The following FGF13 variants were observed in gnomAD, a reference collection of about 807,000 sequenced individuals.
FGF13 encodes fibroblast growth factor 13.
In FGF13, 2 loss-of-function variants were observed where a neutral mutation model predicts 19.5. The observed-to-expected ratio is 0.10, with a 90% CI of 0.04 to 0.32. The LOEUF is 0.32. FGF13 is among the 10% of genes least tolerant of loss of function. The pLI is 1.00. For synonymous variants in FGF13, 72 were observed against 76.9 expected (o/e 0.94, Z 0.33); for missense variants, 113 against 192.7 (o/e 0.59, Z 2.45).
At chrX:139,000,071 C>A (rs774350681) in intron 1 of FGF13, among the ~76,000 whole-genome samples, 2 of 111,818 alleles carry the variant, frequency 1.8e-5, no homozygotes, top group African/African-American at 3.3e-5. Flanking sequence ...ATAAACAGAA[C>A]CAACAACAAA....
At chrX:139,160,644 T>TA (rs1452827960) in intron 1 of FGF13, among the ~76,000 whole-genome samples, 1 of 111,205 alleles carries the variant, frequency 9.0e-6, no homozygotes, top group Admixed American at 9.5e-5. Flanking sequence ...ATAGACACAA[T>TA]AAAAAATGAT....
intron 1 of FGF13, among the ~76,000 whole-genome samples, chrX:138,936,837 G>T (rs141633417): frequency 8.9e-6 from 1 of 111,972 alleles, no homozygotes; most frequent in Non-Finnish European, 1.9e-5. Flanking sequence ...ACTGGGGACC[G>T]CAAGGCCACA....
At chrX:138,864,738 A>G (rs1195066701) in intron 1 of FGF13, 1 of 112,615 alleles carries the variant, frequency 8.9e-6, no homozygotes, top group South Asian at 3.6e-4. Flanking sequence ...CTGCCCCTGC[A>G]TGAATGACAT....
chrX:138,775,730 C>T (rs190707894), intron 3 of FGF13, among the ~76,000 whole-genome samples: 9 of 112,495 alleles, frequency 8.0e-5, no homozygotes, highest in Admixed American at 6.6e-4. Flanking sequence ...CCTTTCCCAT[C>T]GTGATAGAAG....
chrX:138,747,630 G>A (rs148090717), intron 3 of FGF13, among the ~76,000 whole-genome samples: 14 of 111,795 alleles, frequency 1.3e-4, no homozygotes, highest in African/African-American at 4.5e-4. Context: ...TCAAGGGCAC[G>A]CCAGGCTGAT....
At position 138,624,019 on chromosome X, in the gene FGF13, G is replaced by T. The variant is rs1313034134; in HGVS notation, c.*8831C>A. On this transcript the variant is annotated 3_prime_UTR_variant, in exon 5 of 5. Transcript: ENST00000315930. Reference sequence around the variant, plus strand: ...CAAAAATGTTGATACTAACCAAAGTGATCTACAGAGTCAATGCAAGCACTA... The same window carrying T: ...CAAAAATGTTGATACTAACCAAAGTTATCTACAGAGTCAATGCAAGCACTA... 9.0e-6 allele frequency: 1 copy of T among 111,574 alleles called. No homozygotes were observed. The highest frequency in any genetic ancestry group is 3.3e-5 in the African/African-American group (1 of 30,701). The allele number at this position is 111,574 out of a possible 1,213,427, so 9.2% of individuals were successfully genotyped here.
intron 1 of FGF13, among the ~76,000 whole-genome samples, chrX:139,092,723 A>C (rs974024746): frequency 8.9e-6 from 1 of 111,991 alleles, no homozygotes; most frequent in African/African-American, 3.2e-5. Context: ...ATTCTCCACC[A>C]TGTTCTTAGA....
chrX:138,885,318 G>A (rs2091446311), intron 1 of FGF13, among the ~76,000 whole-genome samples: 1 of 111,565 alleles, frequency 9.0e-6, no homozygotes, highest in African/African-American at 3.3e-5. Context: ...AAGGGGTTGA[G>A]CCAGTCATTG....
At chrX:139,103,511 G>A (rs1443544164) in intron 1 of FGF13, among the ~76,000 whole-genome samples, 1 of 111,741 alleles carries the variant, frequency 8.9e-6, no homozygotes, top group Non-Finnish European at 1.9e-5. Flanking sequence ...GTTGCTTAGG[G>A]CTGGTGGGGA....
At chrX:139,057,289 T>A (rs1462004850) in intron 1 of FGF13, among the ~76,000 whole-genome samples, 1 of 109,478 alleles carries the variant, frequency 9.1e-6, no homozygotes, top group Non-Finnish European at 1.9e-5. Context: ...TTTCTGAGTA[T>A]CACAACATTA....
At chrX:138,953,242 G>A (rs2091823280) in intron 1 of FGF13, among the ~76,000 whole-genome samples, 1 of 111,087 alleles carries the variant, frequency 9.0e-6, no homozygotes, top group South Asian at 3.8e-4. Flanking sequence ...GGAATACTAT[G>A]CAGCCATAAA....
At chrX:139,052,334 C>A (rs2124413687) in intron 1 of FGF13, among the ~76,000 whole-genome samples, 1 of 111,780 alleles carries the variant, frequency 8.9e-6, no homozygotes, top group South Asian at 3.8e-4. Flanking sequence ...AGTGATGATC[C>A]CAGCCATTTA....
chrX:138,931,564 G>T (rs780837613), intron 1 of FGF13, among the ~76,000 whole-genome samples: 1 of 111,973 alleles, frequency 8.9e-6, no homozygotes, highest in East Asian at 2.8e-4. Flanking sequence ...ACATTATCTA[G>T]TTTGGGGGCT....
chrX:138,706,296 A>C (rs930777803), intron 2 of FGF13, among the ~76,000 whole-genome samples: 2 of 112,444 alleles, frequency 1.8e-5, no homozygotes, highest in Non-Finnish European at 3.8e-5. Context: ...TTTCCTTTTC[A>C]AGGGAAAATA....
chrX:138,816,330 C>A (rs139919684), intron 3 of FGF13, among the ~76,000 whole-genome samples: 2,380 of 111,864 alleles, frequency 0.021, 70 homozygotes, highest in African/African-American at 0.073. Context: ...AATAGTGCAA[C>A]CTACTCTGTA....
At chrX:138,837,204 T>G (rs1250651270) in intron 3 of FGF13, among the ~76,000 whole-genome samples, 1 of 112,597 alleles carries the variant, frequency 8.9e-6, no homozygotes, top group African/African-American at 3.2e-5. Context: ...AGAGCTGCTA[T>G]GCTGTGCTGG....
At chrX:139,061,527 A>T (rs1318713472) in intron 1 of FGF13, among the ~76,000 whole-genome samples, 1 of 111,487 alleles carries the variant, frequency 9.0e-6, no homozygotes, top group African/African-American at 3.3e-5. Flanking sequence ...CCACAATATT[A>T]TGATGTAGCA....
In FGF13 at chrX:138,625,227, A is replaced by C. The variant is rs758783620; in HGVS notation, c.*7623T>G. 7.3e-5 allele frequency: 8 copies of C among 109,616 alleles called. No individual in the cohort carries two copies. In the East Asian group the frequency reaches 2.3e-3, roughly 32 times the overall value. 9.0% of individuals were successfully genotyped at this position (109,616 alleles called of 1,213,427 possible). A position where few individuals can be genotyped will look rare whatever the true frequency, so the allele number is the denominator to read the frequency against. On this transcript the variant is annotated 3_prime_UTR_variant, in exon 5 of 5. Coordinates refer to ENST00000315930, the MANE Select transcript of FGF13 (RefSeq NM_004114.5). ...GTATTCTTGTACACTGTTTATGGGAATGTAAATTAGTAAGCCATTATGTAA... is the reference window on the plus strand; with the variant it reads ...GTATTCTTGTACACTGTTTATGGGACTGTAAATTAGTAAGCCATTATGTAA...
intron 1 of FGF13, among the ~76,000 whole-genome samples, chrX:139,090,341 A>G: frequency 8.9e-6 from 1 of 111,785 alleles, no homozygotes; most frequent in East Asian, 2.8e-4. Flanking sequence ...GAAAGTGACT[A>G]TTAATAATGA....
Sources: allele counts gnomAD v4.1 joint callset (sites outside exome capture counted in the v4.1 genomes callset), GRCh38; gene constraint gnomAD v4.1.1; transcripts MANE v1.5; gene names NCBI Gene and HGNC (gene_info 2026-07-23, HGNC 2026-07-21).